The following FXYD3 variants were observed in gnomAD, a reference collection of about 807,000 sequenced individuals.
FXYD3 encodes the protein FXYD domain-containing ion transport regulator 3.
In FXYD3, 13 loss-of-function variants were observed where a neutral mutation model predicts 19.2. The ratio of observed to expected loss-of-function variants is 0.68; its 90% CI spans 0.44 to 1.08. The LOEUF (loss-of-function observed/expected upper bound fraction) is 1.08. Ranked by LOEUF, FXYD3 falls within the 50% of genes least tolerant of loss-of-function variation. The pLI is 0.00. For synonymous variants in FXYD3, 48 were observed against 38.9 expected (o/e 1.23, Z -0.87); for missense variants, 101 against 109.4 (o/e 0.92, Z 0.34).
chr19:35,121,987 T>A (rs2065053052), intron 5 of FXYD3: 1 of 152,960 alleles, frequency 6.5e-6, no homozygotes, highest in African/African-American at 2.4e-5. Flanking sequence ...TACACCACCA[T>A]GCCTGGCTAA....
At chr19:35,121,873 C>T (rs932367088) in intron 5 of FXYD3, 3 of 154,166 alleles carry the variant, frequency 1.9e-5, no homozygotes, top group African/African-American at 7.2e-5. Flanking sequence ...CACTGTTGCC[C>T]AAGCTGGAGT....
At chr19:35,121,382 A>G (rs2290650) in intron 5 of FXYD3, 137 bp downstream of exon 5, 267,721 of 1,600,370 alleles carry the variant, frequency 0.17, 26,859 homozygotes, top group South Asian at 0.41. Flanking sequence ...GTTACTGAAT[A>G]TGCCACACAG....
intron 2 of FXYD3, chr19:35,119,019 G>C (rs2064969120): frequency 3.0e-6 from 2 of 667,860 alleles, no homozygotes; most frequent in South Asian, 1.7e-5. Context: ...CCTGGCTAGA[G>C]CACCTAGTTT....
At chr19:35,116,677 G>A in intron 2 of FXYD3, 2 of 985,244 alleles carry the variant, frequency 2.0e-6, no homozygotes, top group African/African-American at 3.5e-5. Context: ...GTGGAGGAGA[G>A]GGGGTGCCTG....
chr19:35,119,425 C>T lies in FXYD3; in HGVS notation c.40+9C>T, dbSNP rs1176176148. On this transcript the variant is annotated intron_variant, in intron 3 of 8. Coordinates refer to ENST00000604404, the MANE Select transcript of FXYD3 (RefSeq NM_005971.4). ...GCTTGTGTTCCTGGCAGGTGAGTACCCATCCCCCGTCTGCCTTTTCCTCTG... is the reference window on the plus strand; with the variant it reads ...GCTTGTGTTCCTGGCAGGTGAGTACTCATCCCCCGTCTGCCTTTTCCTCTG... The T allele has an allele frequency of 2.5e-6, 4 of 1,613,094 alleles. No homozygotes were observed. Among genetic ancestry groups the T allele is most frequent in the Non-Finnish European group, 1.7e-6 (2 of 1,179,292 alleles).
chr19:35,123,676 A>G lies in FXYD3; in HGVS notation c.*219A>G. 2 of 596,542 alleles carry G rather than the reference A, an allele frequency of 3.4e-6. No homozygotes were observed. Among genetic ancestry groups the G allele is most frequent in the Non-Finnish European group, 6.0e-6 (2 of 335,772 alleles). 37.0% of individuals were successfully genotyped at this position (596,542 alleles called of 1,614,324 possible). Reference sequence around the variant, plus strand: ...TGCCCAAGCAGCCTGGAGACTTCCTATGTGTGCATTGGGGTGGGGCTTGGG... The same window carrying G: ...TGCCCAAGCAGCCTGGAGACTTCCTGTGTGTGCATTGGGGTGGGGCTTGGG... On this transcript the variant is annotated 3_prime_UTR_variant, in exon 9 of 9. Coordinates refer to ENST00000604404, the MANE Select transcript of FXYD3 (RefSeq NM_005971.4).
chr19:35,122,796 C>T lies in FXYD3; in HGVS notation c.129C>T (p.Ile43=), dbSNP rs1400787362. The T allele has an allele frequency of 6.2e-7, 1 of 1,613,980 alleles. No individual in the cohort carries two copies. Among genetic ancestry groups the T allele is most frequent in the Non-Finnish European group, 8.5e-7 (1 of 1,180,002 alleles). ...ACAGCCTCCAGGTTGGCGGGCTCAT[C>T]TGCGCTGGGGTTCTGTGCGCCATGG... The part of the protein sequence containing the change: ...DWHSLQVGGL[I]CAGVLCAMGI... Residue 43 remains isoleucine, a synonymous_variant, in exon 6 of 9, where the codon ATC becomes ATT. Transcript: ENST00000604404.
At position 35,121,224 on chromosome 19, in the gene FXYD3, A is replaced by G; in HGVS notation, c.76A>G (p.Lys26Glu). The change falls in exon 5 of 9, where the codon AAA (lysine) becomes GAA (glutamate). Residue 26 changes from lysine to glutamate, a missense_variant and splice_region_variant. By Grantham distance (56) the Lys-to-Glu change is moderately conservative. Coordinates refer to ENST00000604404, the MANE Select transcript of FXYD3 (RefSeq NM_005971.4). ...PVLDANDLED[K>E]NSPFYYDWHS... ...TGATCTTTTTTCTTTCCTTGCAGAT[A>G]AAAACAGTCCTTTCTACTATGGTGA... The G allele has an allele frequency of 6.2e-7, 1 of 1,614,040 alleles. No homozygotes were observed. Among genetic ancestry groups the G allele is most frequent in the South Asian group, 1.1e-5 (1 of 91,074 alleles).
At chr19:35,119,819 C>T (rs546012587) in intron 3 of FXYD3, 15 of 197,716 alleles carry the variant, frequency 7.6e-5, no homozygotes, top group Admixed American at 3.4e-4. Context: ...GCCAGGCACA[C>T]GCCACCATGC....
intron 3 of FXYD3, chr19:35,119,855 A>G (rs1200156853): frequency 5.7e-6 from 1 of 175,554 alleles, no homozygotes; most frequent in African/African-American, 2.4e-5. Flanking sequence ...TTTTTTGCAG[A>G]GACGAGGTCT....
chr19:35,120,206 C>A (rs887409199), intron 3 of FXYD3, among the ~76,000 whole-genome samples: 13 of 150,454 alleles, frequency 8.6e-5, no homozygotes, highest in Non-Finnish European at 1.5e-5. Flanking sequence ...GTGGCATGAT[C>A]TCGGCTCACT....
rs559309004 is a variant in FXYD3, at chr19:35,120,945, G to A, written c.41-133G>A. 5.8e-5 allele frequency: 49 copies of A among 843,724 alleles called. 1 individual carries two copies. In the South Asian group the frequency reaches 5.9e-4, roughly 10 times the overall value. 52.3% of individuals were successfully genotyped at this position (843,724 alleles called of 1,614,324 possible). On this transcript the variant is annotated intron_variant, in intron 3 of 8. Coordinates refer to ENST00000604404, the MANE Select transcript of FXYD3 (RefSeq NM_005971.4). Reference sequence around the variant, plus strand: ...TCGTTGGGATATGAGGGGATGAGGTGGCTGCTCAGTGACAGGACCCCTGTC... The same window carrying A: ...TCGTTGGGATATGAGGGGATGAGGTAGCTGCTCAGTGACAGGACCCCTGTC...
chr19:35,118,654 C>T (rs892653698), intron 2 of FXYD3: 9 of 849,510 alleles, frequency 1.1e-5, no homozygotes, highest in Admixed American at 5.6e-5. Flanking sequence ...GGGCTGGGAC[C>T]GGGAAGGGCA....
chr19:35,121,284 A>C, intron 5 of FXYD3, 39 bp downstream of exon 5: 1 of 1,613,974 alleles, frequency 6.2e-7, no homozygotes, highest in Non-Finnish European at 8.5e-7. Flanking sequence ...CCACAACCCC[A>C]CATACTGCTT....
chr19:35,117,068 G>A (rs2064906302), intron 2 of FXYD3: 2 of 985,248 alleles, frequency 2.0e-6, no homozygotes, highest in Admixed American at 6.1e-5. Flanking sequence ...TGGCCAGGAA[G>A]GATGAGAGCA....
At chr19:35,116,865 C>T in intron 2 of FXYD3, 1 of 985,266 alleles carries the variant, frequency 1.0e-6, no homozygotes. Context: ...TGGAGACCTC[C>T]AGGAAAAAAG....
rs913668784 is a variant in FXYD3, at chr19:35,124,229, C to G, written c.*772C>G. The G allele has an allele frequency of 6.6e-6, 1 of 152,366 alleles. No homozygotes were observed. Among genetic ancestry groups the G allele is most frequent in the African/African-American group, 2.4e-5 (1 of 41,442 alleles). The allele number at this position is 152,366 out of a possible 1,614,324, so 9.4% of individuals were successfully genotyped here. A position where few individuals can be genotyped will look rare whatever the true frequency, so the allele number is the denominator to read the frequency against. ...TGTTCTCATGAACTACCCCACAACA[C>G]GCCTAAAACTCAAAACACCCAAAAA... On this transcript the variant is annotated 3_prime_UTR_variant, in exon 9 of 9. Transcript: ENST00000604404.
At position 35,123,978 on chromosome 19, in the gene FXYD3, T is replaced by C. The variant is rs2065105672; in HGVS notation, c.*521T>C. ...GGGACATAGGATCGTCCCGCTATGA[T>C]GGAAGTGTTCAGACAGTTTATAATA... On this transcript the variant is annotated 3_prime_UTR_variant, in exon 9 of 9. Coordinates refer to ENST00000604404, the MANE Select transcript of FXYD3 (RefSeq NM_005971.4). The C allele has an allele frequency of 5.9e-6, 1 of 168,668 alleles. No homozygotes were observed. The highest frequency in any genetic ancestry group is 2.4e-5 in the African/African-American group (1 of 41,906). The allele number at this position is 168,668 out of a possible 1,614,324, so 10.4% of individuals were successfully genotyped here.
At chr19:35,123,407 C>T (rs1174447139) in intron 8 of FXYD3, 34 bp from the exon 9 acceptor site, 2 of 1,613,838 alleles carry the variant, frequency 1.2e-6, no homozygotes, top group African/African-American at 2.7e-5. Flanking sequence ...GAACTCAATC[C>T]ACCCTCACAA....
Sources: allele counts gnomAD v4.1 joint callset (sites outside exome capture counted in the v4.1 genomes callset), GRCh38; gene constraint gnomAD v4.1.1; transcripts MANE v1.5; gene names NCBI Gene and HGNC (gene_info 2026-07-23, HGNC 2026-07-21).